CD8A: variants seen among roughly 807,000 people sequenced by gnomAD.
CD8A encodes CD8 subunit alpha.
Under a neutral mutation model 24.2 loss-of-function variants are expected in CD8A, and 25 were observed. That is an observed-to-expected ratio of 1.03 (90% CI 0.75 to 1.44). The LOEUF is 1.44. CD8A is among the 40% of genes most tolerant of loss of function. The probability of loss-of-function intolerance (pLI) is 0.00; values close to 1 mark genes in which losing one functional copy is unlikely to be tolerated. For missense variants in CD8A, 360 were observed against 319.7 expected, an observed-to-expected ratio of 1.13 and a Z score of -0.96; for synonymous variants, 165 against 149.9, an observed-to-expected ratio of 1.10 and a Z score of -0.74.
intron 5 of CD8A, among the ~76,000 whole-genome samples, chr2:86,787,664 A>T (rs1191947674): frequency 6.6e-6 from 1 of 152,228 alleles, no homozygotes; most frequent in Non-Finnish European, 1.5e-5. Flanking sequence ...CGTGCGTTGT[A>T]GGCTTTCATC....
chr2:86,793,118 A>T (rs192715243), upstream of CD8A, among the ~76,000 whole-genome samples: 4 of 152,294 alleles, frequency 2.6e-5, no homozygotes, highest in African/African-American at 9.6e-5. Flanking sequence ...TATGAGATAA[A>T]TATTTTTTTG....
intron 3 of CD8A, among the ~76,000 whole-genome samples, chr2:86,800,620 C>G (rs1432248021): frequency 6.6e-6 from 1 of 152,138 alleles, no homozygotes; most frequent in African/African-American, 2.4e-5. Context: ...TTGATGGCTA[C>G]TTGGTAGGCT....
chr2:86,802,849 G>C (rs1043290732), intron 2 of CD8A, among the ~76,000 whole-genome samples: 3 of 151,904 alleles, frequency 2.0e-5, no homozygotes, highest in Admixed American at 6.6e-5. Flanking sequence ...GGCCTCAAGT[G>C]ATCTGCCTGC....
In CD8A at chr2:86,790,826, G is replaced by T; in HGVS notation, c.-1C>A. The T allele has an allele frequency of 6.5e-7, 1 of 1,545,522 alleles. No individual in the cohort carries two copies. Among genetic ancestry groups the T allele is most frequent in the African/African-American group, 1.4e-5 (1 of 73,902 alleles). ...GCAAGGCGGTCACTGGTAAGGCCAT[G>T]ACGCGCTCCCCAGGACGCTGCTTGG... On this transcript the variant is annotated 5_prime_UTR_variant, in exon 1 of 6. Coordinates refer to ENST00000283635, the MANE Select transcript of CD8A (RefSeq NM_001768.7).
intron 2 of CD8A, among the ~76,000 whole-genome samples, chr2:86,807,169 A>T (rs1673934998): frequency 6.6e-6 from 1 of 151,776 alleles, no homozygotes; most frequent in Admixed American, 6.6e-5. Flanking sequence ...AATAAAATAA[A>T]AAAAAAAGCC....
At chr2:86,786,385 A>T (rs1672997384) in intron 5 of CD8A, among the ~76,000 whole-genome samples, 1 of 152,220 alleles carries the variant, frequency 6.6e-6, no homozygotes, top group Non-Finnish European at 1.5e-5. Flanking sequence ...AGAGAGGAGG[A>T]TGTGAGCAAA....
intron 2 of CD8A, among the ~76,000 whole-genome samples, chr2:86,804,393 A>G (rs1047111250): frequency 5.3e-5 from 8 of 152,202 alleles, no homozygotes; most frequent in Non-Finnish European, 1.2e-4. Flanking sequence ...ATAGAGACAG[A>G]AAGTAGAATG....
chr2:86,787,898 A>AGAGAGGGTGTGTGTGTGTGT (rs369993109), intron 5 of CD8A, among the ~76,000 whole-genome samples: 1 of 144,490 alleles, frequency 6.9e-6, no homozygotes, highest in Non-Finnish European at 1.5e-5. Context: ...AGAGAGAGAG[A>AGAGAGGGTGTGTGTGTGTGT]GTGTGTGTGT....
At chr2:86,807,287 C>G (rs1673941001) in intron 2 of CD8A, among the ~76,000 whole-genome samples, 1 of 152,204 alleles carries the variant, frequency 6.6e-6, no homozygotes, top group Non-Finnish European at 1.5e-5. Context: ...CACCACTGCA[C>G]TCCAGCCTGG....
At chr2:86,803,815 C>T (rs1284004524) in intron 2 of CD8A, among the ~76,000 whole-genome samples, 2 of 152,182 alleles carry the variant, frequency 1.3e-5, no homozygotes, top group Non-Finnish European at 2.9e-5. Flanking sequence ...TCCCAAAGTG[C>T]TGGGATTACA....
At chr2:86,792,821 T>A (rs1478894280), upstream of CD8A, among the ~76,000 whole-genome samples, 4 of 151,368 alleles carry the variant, frequency 2.6e-5, no homozygotes, top group East Asian at 1.9e-4. Context: ...TTTTTTTTTT[T>A]AATTATTTTG....
Position 86,784,668 on chromosome 2 carries a change from C to T in CD8A, c.*1252G>A. 1 of 429,654 alleles carries T rather than the reference C, an allele frequency of 2.3e-6. No homozygotes were observed. Among genetic ancestry groups the T allele is most frequent in the South Asian group, 1.7e-5 (1 of 59,586 alleles). 26.6% of individuals were successfully genotyped at this position (429,654 alleles called of 1,614,324 possible). A position where few individuals can be genotyped will look rare whatever the true frequency, so the allele number is the denominator to read the frequency against. ...GTTTATTCATTAAAGCCACTCATAA[C>T]AGCATAGTACAACCCTATTTAAAAA... is the stretch of plus-strand genomic sequence containing the variant. On this transcript the variant is annotated 3_prime_UTR_variant, in exon 6 of 6. Transcript: ENST00000283635.
intron 5 of CD8A, among the ~76,000 whole-genome samples, chr2:86,787,214 C>T (rs1226800848): frequency 2.0e-5 from 3 of 150,582 alleles, no homozygotes; most frequent in African/African-American, 7.3e-5. Flanking sequence ...TCCTGAGTAG[C>T]CCGGATTATA....
chr2:86,792,636 A>G (rs1673349440), upstream of CD8A, among the ~76,000 whole-genome samples: 1 of 151,980 alleles, frequency 6.6e-6, no homozygotes, highest in Non-Finnish European at 1.5e-5. Flanking sequence ...CTGGGACCAC[A>G]GGAGCACACC....
chr2:86,789,774 TG>T (rs1673192407), intron 2 of CD8A, 24 bp from the exon 3 acceptor site: 1 of 1,313,548 alleles, frequency 7.6e-7, no homozygotes, highest in Non-Finnish European at 9.7e-7. Flanking sequence ...AGAGCGTGGT[TG>T]GGGGCCAGGC....
chr2:86,788,358 C>T (rs1426466444), intron 5 of CD8A, among the ~76,000 whole-genome samples, 172 bp downstream of exon 5: 1 of 150,722 alleles, frequency 6.6e-6, no homozygotes, highest in Non-Finnish European at 1.5e-5. Flanking sequence ...AAGACACAGG[C>T]CAGATGCCAG....
In CD8A at chr2:86,785,365, G is replaced by A; in HGVS notation, c.*555C>T. ...ATTCATTACCTCCTCGAGGCTCTGG[G>A]CACAGTATCCCAGGTATCAAGAAGT... On this transcript the variant is annotated 3_prime_UTR_variant, in exon 6 of 6. Transcript: ENST00000283635. 2.2e-6 allele frequency: 1 copy of A among 454,206 alleles called. No homozygotes were observed. The highest frequency in any genetic ancestry group is 1.6e-5 in the South Asian group (1 of 64,468). 28.1% of individuals were successfully genotyped at this position (454,206 alleles called of 1,614,324 possible). A position where few individuals can be genotyped will look rare whatever the true frequency, so the allele number is the denominator to read the frequency against.
chr2:86,787,898 A>AGAGAGAGTGTGTGTGTGT (rs369993109), intron 5 of CD8A, among the ~76,000 whole-genome samples: 442 of 144,578 alleles, frequency 3.1e-3, no homozygotes, highest in Non-Finnish European at 4.2e-3. Flanking sequence ...AGAGAGAGAG[A>AGAGAGAGTGTGTGTGTGT]GTGTGTGTGT....
At position 86,785,631 on chromosome 2, in the gene CD8A, CA is replaced by C. The variant is rs777792935; in HGVS notation, c.*288del. 6.9e-4 allele frequency: 433 copies of C among 628,594 alleles called. No individual in the cohort carries two copies. The African/African-American group carries it at 7.1e-3, about 10-fold the overall frequency. 38.9% of individuals were successfully genotyped at this position (628,594 alleles called of 1,614,324 possible). A position where few individuals can be genotyped will look rare whatever the true frequency, so the allele number is the denominator to read the frequency against. On this transcript the variant is annotated 3_prime_UTR_variant, in exon 6 of 6. Transcript: ENST00000283635. ...GCATGGGTGCCTCCAGCTCTCTCAGCATGATTCTGAGAACTCTGCGGGTAGC... is the reference window on the plus strand; with the variant it reads ...GCATGGGTGCCTCCAGCTCTCTCAGCTGATTCTGAGAACTCTGCGGGTAGC...
Sources: gnomAD v4.1 joint callset for allele counts (sites outside exome capture counted in the v4.1 genomes callset) on GRCh38, gnomAD v4.1.1 for gene constraint, MANE v1.5 for transcripts, NCBI Gene and HGNC (gene_info 2026-07-23, HGNC 2026-07-21) for gene names.